ADAMTS20: variants seen among roughly 807,000 people sequenced by gnomAD.
ADAMTS20 encodes ADAM metallopeptidase with thrombospondin type 1 motif 20.
Under a neutral mutation model 260.1 loss-of-function variants are expected in ADAMTS20, and 225 were observed. The ratio of observed to expected loss-of-function variants is 0.87; its 90% CI spans 0.78 to 0.97. ADAMTS20 has a LOEUF of 0.97. Ranked by LOEUF, ADAMTS20 falls within the 50% of genes least tolerant of loss-of-function variation. The probability of loss-of-function intolerance (pLI) is 0.00; values close to 1 mark genes in which losing one functional copy is unlikely to be tolerated. For synonymous variants in ADAMTS20, 802 were observed against 769.5 expected (o/e 1.04, Z -0.70); for missense variants, 2,400 against 2,337.7 (o/e 1.03, Z -0.55).
intron 28 of ADAMTS20, among the ~76,000 whole-genome samples, chr12:43,424,744 T>C (rs1053345390): frequency 6.6e-6 from 1 of 151,942 alleles, no homozygotes; most frequent in African/African-American, 2.4e-5. Flanking sequence ...CCTGATTAAT[T>C]GACAGCAAGC....
chr12:43,471,064 A>G (rs990755574), intron 7 of ADAMTS20, among the ~76,000 whole-genome samples: 1 of 152,104 alleles, frequency 6.6e-6, no homozygotes, highest in African/African-American at 2.4e-5. Context: ...CTGCATTTCC[A>G]TCTGAGGTAC....
chr12:43,512,142 T>A (rs968374801), intron 3 of ADAMTS20, among the ~76,000 whole-genome samples: 1 of 151,342 alleles, frequency 6.6e-6, no homozygotes, highest in African/African-American at 2.4e-5. Flanking sequence ...AAAAACCCTA[T>A]GAGGTAAGTA....
At chr12:43,538,244 T>C (rs1943324710) in intron 2 of ADAMTS20, among the ~76,000 whole-genome samples, 1 of 152,270 alleles carries the variant, frequency 6.6e-6, no homozygotes. Context: ...ACTGTAGTTT[T>C]GACTTGCATT....
chr12:43,429,223 T>C (rs1347418784), intron 24 of ADAMTS20, among the ~76,000 whole-genome samples: 3 of 152,128 alleles, frequency 2.0e-5, no homozygotes, highest in Non-Finnish European at 4.4e-5. Flanking sequence ...AAAATACATA[T>C]TCTACAAGAT....
At chr12:43,439,486 T>C in intron 18 of ADAMTS20, 136 bp downstream of exon 18, 1 of 1,025,346 alleles carries the variant, frequency 9.8e-7, no homozygotes, top group Non-Finnish European at 1.4e-6. Flanking sequence ...AAAAAAAGAT[T>C]GAAAACTTTT....
chr12:43,449,472 TGGGGCCTGCTGA>T (rs1941824473), intron 14 of ADAMTS20, among the ~76,000 whole-genome samples: 1 of 151,792 alleles, frequency 6.6e-6, no homozygotes, highest in Admixed American at 6.6e-5. Context: ...CAACACACAC[TGGGGCCTGCTGA>T]GGGTGGAGGG....
At chr12:43,401,322 A>C (rs534906487) in intron 28 of ADAMTS20, among the ~76,000 whole-genome samples, 1 of 152,078 alleles carries the variant, frequency 6.6e-6, no homozygotes, top group Admixed American at 6.6e-5. Flanking sequence ...TTCGTTTAAC[A>C]ATGCCAAGAA....
At chr12:43,480,902 A>G (rs1433227861) in intron 7 of ADAMTS20, among the ~76,000 whole-genome samples, 4 of 152,100 alleles carry the variant, frequency 2.6e-5, no homozygotes, top group South Asian at 2.1e-4. Context: ...GATCTATTGC[A>G]CAGGAGGGTG....
intron 37 of ADAMTS20, among the ~76,000 whole-genome samples, chr12:43,361,975 A>G (rs1939877754): frequency 6.6e-6 from 1 of 152,214 alleles, no homozygotes; most frequent in African/African-American, 2.4e-5. Context: ...GATTTCCAGA[A>G]CTGGGTGACC....
At chr12:43,440,273 C>T (rs1941638681) in intron 16 of ADAMTS20, among the ~76,000 whole-genome samples, 2 of 151,766 alleles carry the variant, frequency 1.3e-5, no homozygotes, top group South Asian at 2.1e-4. Context: ...CTCAGCCTCC[C>T]GAGTAGCTGA....
rs144809439 is a variant in ADAMTS20 at position 43,375,460 on chromosome 12, C to G, written c.5365G>C (p.Glu1789Gln). ...GCAGCTAAGTGTCCATTGTCACATTCACAGTCTTCCCTTCTACTCCCATTA... is the reference window on the plus strand; with the variant it reads ...GCAGCTAAGTGTCCATTGTCACATTGACAGTCTTCCCTTCTACTCCCATTA... ...PFNGSRREDC[E>Q]CDNGHLAAGY... The change falls in exon 36 of 39, where the codon GAA becomes CAA. Residue 1789 changes from glutamate (E) to glutamine (Q), a missense_variant. Coordinates refer to ENST00000389420, the MANE Select transcript of ADAMTS20 (RefSeq NM_025003.5). 47 of 1,613,208 alleles carry G rather than the reference C, an allele frequency of 2.9e-5. No homozygotes were observed. In the African/African-American group the frequency reaches 3.6e-4, roughly 12 times the overall value.
In ADAMTS20 at chr12:43,490,448, G is replaced by C. The variant is rs767755495; in HGVS notation, c.1077-13C>G. 1 of 1,257,168 alleles carries C rather than the reference G, an allele frequency of 8.0e-7. No homozygotes were observed. The highest frequency in any genetic ancestry group is 2.8e-5 in the East Asian group (1 of 35,128). The allele number at this position is 1,257,168 out of a possible 1,614,324, so 77.9% of individuals were successfully genotyped here. A position where few individuals can be genotyped will look rare whatever the true frequency, so the allele number is the denominator to read the frequency against. On this transcript the variant is annotated splice_polypyrimidine_tract_variant and intron_variant, in intron 6 of 38. Transcript: ENST00000389420. ...ACAAATGTCTTCCCTTAAAATAAAA[G>C]ATTTATTTTGAAGCATTTTTGGAAA... is the stretch of plus-strand genomic sequence containing the variant.
chr12:43,391,635 T>A (rs1003358562), intron 29 of ADAMTS20, among the ~76,000 whole-genome samples: 1 of 152,188 alleles, frequency 6.6e-6, no homozygotes, highest in East Asian at 1.9e-4. Context: ...TAATGAGTAA[T>A]ATTGTTTGGG....
chr12:43,506,748 G>T (rs1473272569), intron 3 of ADAMTS20, among the ~76,000 whole-genome samples: 1 of 151,142 alleles, frequency 6.6e-6, no homozygotes, highest in Non-Finnish European at 1.5e-5. Context: ...AAAGTGTTGG[G>T]ATTACAGGCG....
intron 7 of ADAMTS20, among the ~76,000 whole-genome samples, chr12:43,469,403 C>A (rs1942212630): frequency 6.6e-6 from 1 of 151,840 alleles, no homozygotes. Flanking sequence ...GGCTGGACAC[C>A]AAAGACAGCA....
At chr12:43,361,557 A>G (rs1398965027) in intron 37 of ADAMTS20, among the ~76,000 whole-genome samples, 2 of 152,252 alleles carry the variant, frequency 1.3e-5, no homozygotes, top group Non-Finnish European at 2.9e-5. Flanking sequence ...GACTTTCTTC[A>G]GGATCTTGGA....
intron 37 of ADAMTS20, among the ~76,000 whole-genome samples, chr12:43,363,723 G>T (rs1411043530): frequency 3.3e-5 from 5 of 152,184 alleles, no homozygotes; most frequent in African/African-American, 1.2e-4. Context: ...GTGGTGTGTT[G>T]TTAAGAGGAG....
At position 43,460,988 on chromosome 12, in the gene ADAMTS20, A is replaced by ATT. The variant is rs1161740021; in HGVS notation, c.1614+1905_1614+1906dup. Among the ~76,000 whole-genome samples the ATT allele has an allele frequency of 5.0e-3, 133 of 26,408 alleles. 5 individuals are homozygous for ATT. The highest frequency in any genetic ancestry group is 0.013 in the African/African-American group (101 of 7,834). The allele number at this position is 26,408 out of a possible 152,430, so 17.3% of individuals were successfully genotyped here. Reference sequence around the variant, plus strand: ...ATTATATATATATATATATATATATATTTTTTTTTTTTTTTTTTTTTTTGA... The same window carrying ATT: ...ATTATATATATATATATATATATATATTTTTTTTTTTTTTTTTTTTTTTTTGA... On this transcript the variant is annotated intron_variant, in intron 11 of 38. Coordinates refer to ENST00000389420, the MANE Select transcript of ADAMTS20 (RefSeq NM_025003.5).
chr12:43,540,684 A>G (rs1399151545), intron 2 of ADAMTS20, among the ~76,000 whole-genome samples: 1 of 152,152 alleles, frequency 6.6e-6, no homozygotes, highest in Non-Finnish European at 1.5e-5. Flanking sequence ...AGATCATGCC[A>G]TATTTTTAGC....
Sources: gnomAD v4.1 joint callset for allele counts (sites outside exome capture counted in the v4.1 genomes callset) on GRCh38, gnomAD v4.1.1 for gene constraint, MANE v1.5 for transcripts, NCBI Gene and HGNC (gene_info 2026-07-23, HGNC 2026-07-21) for gene names.